SLC19A1: variants seen among roughly 807,000 people sequenced by gnomAD.
SLC19A1 encodes the protein solute carrier family 19 member 1.
SLC19A1 carries 37 observed loss-of-function variants against 35.3 expected under a neutral mutation model. The ratio of observed to expected loss-of-function variants is 1.05; its 90% CI spans 0.81 to 1.38. SLC19A1 has a LOEUF of 1.38. SLC19A1 is among the 40% of genes most tolerant of loss of function. The probability of loss-of-function intolerance (pLI) is 0.00; values close to 1 mark genes in which losing one functional copy is unlikely to be tolerated. For synonymous variants in SLC19A1, 460 were observed against 398.5 expected (o/e 1.15, Z -1.84); for missense variants, 831 against 826.9 (o/e 1.00, Z -0.06).
intron 1 of SLC19A1, among the ~76,000 whole-genome samples, chr21:45,562,624 A>T (rs1210680386): frequency 6.6e-6 from 1 of 152,200 alleles, no homozygotes; most frequent in African/African-American, 2.4e-5. Flanking sequence ...CACAGGGAAA[A>T]GGAATCCAGG....
Position 45,560,833 on chromosome 21 carries a change from C to T in SLC19A1, c.-50+1909G>A, listed in dbSNP as rs113364610. On this transcript the variant is annotated intron_variant, in intron 1 of 5. Coordinates refer to the SLC19A1 transcript ENST00000650808. ...CTTGGAGCTGAGGGAGGCCCGAGCC[C>T]CGGAGAATCGGCGCTGTCCTCTGAG... 2.9e-3 allele frequency among the ~76,000 whole-genome samples: 439 copies of T among 152,292 alleles called. 4 individuals are homozygous for T. Among genetic ancestry groups the T allele is most frequent in the African/African-American group, 9.9e-3 (411 of 41,552 alleles).
chr21:45,518,738 C>T (rs2038089455), intron 5 of SLC19A1, among the ~76,000 whole-genome samples: 1 of 152,102 alleles, frequency 6.6e-6, no homozygotes, highest in Admixed American at 6.5e-5. Flanking sequence ...ACACTGTCTA[C>T]CCAGCATCCT....
Position 45,505,212 on chromosome 21 carries a change from C to T in SLC19A1, c.498-6600G>A, listed in dbSNP as rs372973695. ...ACCCCCCGGCATCGGCTACGAGGGG[C>T]GCCAGGGCCCTCCCGGCCCCCCAGG... On this transcript the variant is annotated intron_variant, in intron 3 of 4. Coordinates refer to the SLC19A1 transcript ENST00000417954. The T allele has an allele frequency of 3.3e-4, 532 of 1,601,224 alleles. 1 individual carries two copies. The Middle Eastern group carries it at 4.5e-3, about 14-fold the overall frequency.
chr21:45,548,997 C>T (rs1013851271), upstream of SLC19A1, among the ~76,000 whole-genome samples: 1 of 152,134 alleles, frequency 6.6e-6, no homozygotes, highest in Non-Finnish European at 1.5e-5. Context: ...TGGAGTTTAA[C>T]ACGTGTCTAC....
At chr21:45,504,783 C>T (rs1161092451) in intron 3 of SLC19A1, among the ~76,000 whole-genome samples, 1 of 152,108 alleles carries the variant, frequency 6.6e-6, no homozygotes, top group Non-Finnish European at 1.5e-5. Context: ...CATGGCCTGC[C>T]CTCCTGCTGG....
At chr21:45,510,637 C>CGGGCT (rs940275773), downstream of SLC19A1, among the ~76,000 whole-genome samples, 3 of 152,220 alleles carry the variant, frequency 2.0e-5, no homozygotes, top group Non-Finnish European at 4.4e-5. Context: ...TAGTGCCATG[C>CGGGCT]GGGCTGGTGG....
At position 45,534,091 on chromosome 21, in the gene SLC19A1, G is replaced by GCT. The variant is rs2078026174; in HGVS notation, c.190-1944_190-1943insAG. The stretch of plus-strand genomic sequence containing the variant: ...CCCTCCGGCACTCCGTCCTGCTCAG[G>GCT]ACATTCCGGGACACTCTGAGGGCAG... On this transcript the variant is annotated intron_variant, in intron 2 of 5. Coordinates refer to ENST00000311124, the MANE Select transcript of SLC19A1 (RefSeq NM_194255.4). The surrounding 1 kb of genome is among the most constrained non-coding windows in gnomAD (Gnocchi z 4.2). Among the ~76,000 whole-genome samples, 1 of 152,156 alleles carries GCT rather than the reference G, an allele frequency of 6.6e-6. No individual in the cohort carries two copies. The highest frequency in any genetic ancestry group is 1.5e-5 in the Non-Finnish European group (1 of 68,010).
At chr21:45,510,954 A>ACACATCCACAACAC (rs2037548187), downstream of SLC19A1, among the ~76,000 whole-genome samples, 2 of 6,268 alleles carry the variant, frequency 3.2e-4, no homozygotes, top group African/African-American at 1.6e-3. Context: ...CACCCACAAC[A>ACACATCCACAACAC]CCCCACATAC....
At chr21:45,505,032 G>A (rs2146079575) in intron 3 of SLC19A1, 1 of 1,468,320 alleles carries the variant, frequency 6.8e-7, no homozygotes, top group Non-Finnish European at 9.2e-7. Flanking sequence ...CTCAGAGGCT[G>A]CGCTCGCCAA....
downstream of SLC19A1, chr21:45,509,982 G>A: frequency 6.8e-7 from 1 of 1,464,618 alleles, no homozygotes; most frequent in Non-Finnish European, 9.2e-7. Flanking sequence ...CCACACAGGT[G>A]CGGGGCCGGG....
rs1229126893 is a variant in SLC19A1, at chr21:45,530,777, T to C, written c.1144A>G (p.Ile382Val). The change falls in exon 4 of 6, where the codon ATC (isoleucine) becomes GTC (valine). Residue 382 changes from isoleucine to valine, a missense_variant. Transcript: ENST00000311124. This position sits in a 1 kb window ranked among gnomAD's most constrained non-coding sequence, Gnocchi z 5.3. ...CACCCTTCTGGAACTCACGTGGCGA[T>C]GGGCACGAGGAACTGGTAGGAGCCG... ...FRGSYQFLVP[I>V]ATFQIASSLS... is the part of the protein sequence containing the mutation. 6.4e-7 allele frequency: 1 copy of C among 1,559,732 alleles called. No individual in the cohort carries two copies. Among genetic ancestry groups the C allele is most frequent in the Admixed American group, 1.9e-5 (1 of 51,792 alleles).
At position 45,525,411 on chromosome 21, in the gene SLC19A1, C is replaced by T. The variant is rs112637375; in HGVS notation, c.1293+406G>A. On this transcript the variant is annotated intron_variant, in intron 5 of 5. Transcript: ENST00000311124. ...GAGAGGTGGGAAAGGGGAGGGCACC[C>T]GCAGAGGCCTGCGCACTGACACTGC... Among the ~76,000 whole-genome samples the T allele has an allele frequency of 2.4e-3, 364 of 152,346 alleles. 5 individuals are homozygous for T. Among genetic ancestry groups the T allele is most frequent in the African/African-American group, 8.2e-3 (339 of 41,582 alleles).
upstream of SLC19A1, among the ~76,000 whole-genome samples, chr21:45,546,946 CAG>C (rs1402179956): frequency 2.0e-5 from 3 of 152,202 alleles, no homozygotes; most frequent in Admixed American, 2.0e-4. Context: ...AAGGAAGCGG[CAG>C]AGTCTCTGTT....
At chr21:45,505,524 C>G in intron 3 of SLC19A1, 1 of 756,800 alleles carries the variant, frequency 1.3e-6, no homozygotes, top group Non-Finnish European at 2.3e-6. Context: ...CCACGGACCC[C>G]ACAGGGAGAT....
intron 1 of SLC19A1, among the ~76,000 whole-genome samples, chr21:45,538,238 C>T (rs950792827): frequency 3.9e-5 from 6 of 152,196 alleles, no homozygotes; most frequent in South Asian, 2.1e-4. Context: ...CCAGGGTCTC[C>T]GAGGCTGAGG....
At chr21:45,555,193 CGGGG>C (rs1555888689) in intron 1 of SLC19A1, among the ~76,000 whole-genome samples, 3 of 13,328 alleles carry the variant, frequency 2.3e-4, no homozygotes, top group South Asian at 4.9e-3. Context: ...CAGGGGGCGG[CGGGG>C]GCGGCGCAGG....
At chr21:45,542,312 C>T (rs923955005) in intron 1 of SLC19A1, 56 bp downstream of exon 1, 1 of 151,682 alleles carries the variant, frequency 6.6e-6, no homozygotes, top group Non-Finnish European at 1.5e-5. Context: ...CCCAGGGCCC[C>T]GAGACACCCC....
At chr21:45,509,185 C>T (rs948402650), downstream of SLC19A1, among the ~76,000 whole-genome samples, 5 of 152,046 alleles carry the variant, frequency 3.3e-5, no homozygotes, top group East Asian at 5.8e-4. Flanking sequence ...GCAGGACTCC[C>T]CACCCTTGCT....
At chr21:45,511,813 A>G (rs9975694), downstream of SLC19A1, among the ~76,000 whole-genome samples, 76,633 of 152,088 alleles carry the variant, frequency 0.5, 20,008 homozygotes, top group African/African-American at 0.64. Flanking sequence ...TGCTGTGGGC[A>G]GGGCTGGGCC....
Sources: gnomAD v4.1 joint callset for allele counts (sites outside exome capture counted in the v4.1 genomes callset) on GRCh38, gnomAD v4.1.1 for gene constraint, Gnocchi (gnomAD v3.1) non-coding constraint, MANE v1.5 for transcripts, NCBI Gene and HGNC (gene_info 2026-07-23, HGNC 2026-07-21) for gene names.